GPC5: variants seen among roughly 807,000 people sequenced by gnomAD.
The protein encoded by GPC5 is glypican-5.
In GPC5, 47 loss-of-function variants were observed where a neutral mutation model predicts 53.9. The observed-to-expected ratio is 0.87, with a 90% CI of 0.69 to 1.11. GPC5 has a LOEUF of 1.11. GPC5 is among the 50% of genes most tolerant of loss of function. GPC5 has a pLI of 0.00. For synonymous variants in GPC5, 286 were observed against 263.3 expected (o/e 1.09, Z -0.84); for missense variants, 748 against 713.1 (o/e 1.05, Z -0.56).
At chr13:92,702,887 C>T (rs375458313) in intron 7 of GPC5, among the ~76,000 whole-genome samples, 15 of 151,850 alleles carry the variant, frequency 9.9e-5, no homozygotes, top group African/African-American at 3.4e-4. Context: ...CACCACTGGT[C>T]TCCTTGGCTC....
chr13:92,509,043 G>C (rs1046727557), intron 7 of GPC5, among the ~76,000 whole-genome samples: 1 of 152,116 alleles, frequency 6.6e-6, no homozygotes, highest in Non-Finnish European at 1.5e-5. Context: ...AAGAATGACA[G>C]ACCATACATA....
chr13:92,535,833 G>A (rs1210938493), intron 7 of GPC5, among the ~76,000 whole-genome samples: 1 of 152,020 alleles, frequency 6.6e-6, no homozygotes, highest in Non-Finnish European at 1.5e-5. Context: ...AACAAGGCAT[G>A]GATGTTGGAA....
chr13:91,558,396 C>A (rs2031077597), intron 2 of GPC5, among the ~76,000 whole-genome samples: 1 of 152,042 alleles, frequency 6.6e-6, no homozygotes, highest in Non-Finnish European at 1.5e-5. Context: ...CACTTCTTGC[C>A]TCTTAGTTTC....
At chr13:92,337,438 CTAA>C (rs1399513263) in intron 7 of GPC5, among the ~76,000 whole-genome samples, 1 of 151,950 alleles carries the variant, frequency 6.6e-6, no homozygotes, top group African/African-American at 2.4e-5. Flanking sequence ...CAGGATGATT[CTAA>C]TGTTTATATG....
chr13:92,828,739 T>C (rs1877939873), intron 7 of GPC5, among the ~76,000 whole-genome samples: 1 of 152,100 alleles, frequency 6.6e-6, no homozygotes, highest in African/African-American at 2.4e-5. Flanking sequence ...AAAGTTAGCA[T>C]AGTGTTCCGC....
chr13:92,685,077 T>G (rs1887220649), intron 7 of GPC5, among the ~76,000 whole-genome samples: 1 of 127,942 alleles, frequency 7.8e-6, no homozygotes, highest in East Asian at 2.6e-4. Context: ...GCCAGTGAGA[T>G]CCAGTAGTTC....
chr13:92,550,444 G>C lies in GPC5; in HGVS notation c.1562-315838G>C, dbSNP rs1009690513. Among the ~76,000 whole-genome samples the C allele has an allele frequency of 1.2e-4, 18 of 151,668 alleles. 1 individual carries two copies. Among genetic ancestry groups the C allele is most frequent in the African/African-American group, 4.4e-4 (18 of 41,340 alleles). On this transcript the variant is annotated intron_variant, in intron 7 of 7. Transcript: ENST00000377067. ...AATTTATGGCCTGTATGAAGTGAGGGTGAGACTATAAATTAATTTTATCAA... is the reference window on the plus strand; with the variant it reads ...AATTTATGGCCTGTATGAAGTGAGGCTGAGACTATAAATTAATTTTATCAA...
At chr13:92,866,232 T>G in intron 7 of GPC5, 50 bp from the exon 8 acceptor site, 1 of 1,529,076 alleles carries the variant, frequency 6.5e-7, no homozygotes, top group South Asian at 1.2e-5. Context: ...CTAGACGTAT[T>G]ATGGTGAAGT....
intron 7 of GPC5, among the ~76,000 whole-genome samples, chr13:92,802,165 G>C (rs188853585): frequency 2.0e-4 from 30 of 151,758 alleles, no homozygotes; most frequent in African/African-American, 7.0e-4. Flanking sequence ...ACTATGTTGA[G>C]ACATATTTAG....
intron 7 of GPC5, among the ~76,000 whole-genome samples, chr13:92,206,138 G>T (rs1248548654): frequency 7.0e-6 from 1 of 143,122 alleles, no homozygotes; most frequent in Non-Finnish European, 1.5e-5. Context: ...TGTTGTTATC[G>T]TTGTTGTGTT....
intron 7 of GPC5, among the ~76,000 whole-genome samples, chr13:92,422,711 A>T (rs1876634085): frequency 1.3e-5 from 2 of 152,106 alleles, no homozygotes; most frequent in Non-Finnish European, 2.9e-5. Context: ...AAAAGTGACA[A>T]CCTCAGTGGC....
At chr13:91,615,610 GGA>G (rs1458668659) in intron 2 of GPC5, among the ~76,000 whole-genome samples, 2 of 152,072 alleles carry the variant, frequency 1.3e-5, no homozygotes, top group Non-Finnish European at 2.9e-5. Context: ...CCATACGTTT[GGA>G]GAGGTCACAG....
intron 7 of GPC5, among the ~76,000 whole-genome samples, chr13:92,221,192 G>A (rs2042445829): frequency 6.6e-6 from 1 of 152,064 alleles, no homozygotes; most frequent in Admixed American, 6.5e-5. Context: ...TTTACAATTG[G>A]GAAATAATTA....
chr13:92,224,856 A>G (rs2042473600), intron 7 of GPC5, among the ~76,000 whole-genome samples: 1 of 152,130 alleles, frequency 6.6e-6, no homozygotes, highest in Non-Finnish European at 1.5e-5. Context: ...ACTTTGCCTC[A>G]TGTACCTTTT....
At chr13:92,456,518 A>G (rs889804563) in intron 7 of GPC5, among the ~76,000 whole-genome samples, 3 of 152,134 alleles carry the variant, frequency 2.0e-5, no homozygotes, top group South Asian at 2.1e-4. Context: ...TAGCTACATA[A>G]TTCATGAGGC....
intron 7 of GPC5, among the ~76,000 whole-genome samples, chr13:92,740,950 ATATGTATGTG>A (rs1404047416): frequency 3.7e-5 from 5 of 134,636 alleles, no homozygotes; most frequent in East Asian, 5.3e-4. Context: ...GTGTGTATAT[ATATGTATGTG>A]TATATATATA....
rs35318055 is a variant in GPC5, at chr13:92,547,996, A to ATTTT, written c.1562-318273_1562-318270dup. Among the ~76,000 whole-genome samples the ATTTT allele has an allele frequency of 2.8e-3, 380 of 136,196 alleles. 4 individuals are homozygous for ATTTT. Among genetic ancestry groups the ATTTT allele is most frequent in the Admixed American group, 6.3e-3 (85 of 13,590 alleles). 89.3% of individuals were successfully genotyped at this position (136,196 alleles called of 152,430 possible). On this transcript the variant is annotated intron_variant, in intron 7 of 7. Transcript: ENST00000377067. ...AGGTGCCCGCCACCACGCCTGGCTA[A>ATTTT]TTTTTTTTTTTTTTTTGTATTTTTA...
chr13:91,959,275 CTA>C (rs1233181261), intron 6 of GPC5, among the ~76,000 whole-genome samples: 1 of 151,916 alleles, frequency 6.6e-6, no homozygotes, highest in African/African-American at 2.4e-5. Flanking sequence ...TTATGAACAA[CTA>C]TATACTCACA....
At chr13:92,396,731 G>T (rs1241891063) in intron 7 of GPC5, among the ~76,000 whole-genome samples, 1 of 152,118 alleles carries the variant, frequency 6.6e-6, no homozygotes, top group Non-Finnish European at 1.5e-5. Context: ...ACATGCTTCA[G>T]AGGCCTATTA....
Sources: gnomAD v4.1 joint callset for allele counts (sites outside exome capture counted in the v4.1 genomes callset) on GRCh38, gnomAD v4.1.1 for gene constraint, MANE v1.5 for transcripts, NCBI Gene and HGNC (gene_info 2026-07-23, HGNC 2026-07-21) for gene names.